PDE8B: variants seen among roughly 807,000 people sequenced by gnomAD.
PDE8B encodes the protein high affinity cAMP-specific and IBMX-insensitive 3',5'-cyclic phosphodiesterase 8B.
In PDE8B, 26 loss-of-function variants were observed where a neutral mutation model predicts 101.3. The observed-to-expected ratio is 0.26, with a 90% CI of 0.19 to 0.36. PDE8B has a LOEUF of 0.36. Among genes scored for constraint, PDE8B ranks in the 10% least tolerant of loss-of-function variants. PDE8B has a pLI of 1.00. For missense variants in PDE8B, 810 were observed against 1,163.1 expected (o/e 0.70, Z 4.42); for synonymous variants, 424 against 429.3 (o/e 0.99, Z 0.15).
At chr5:77,160,701 T>C in the PDE8B span, among the ~76,000 whole-genome samples, 49 of 152,224 alleles carry the variant, frequency 3.2e-4, no homozygotes, top group Middle Eastern at 3.4e-3. Flanking sequence ...GCCCAGGCTG[T>C]GTGCAGTGGT....
intron 3 of PDE8B, among the ~76,000 whole-genome samples, chr5:77,327,981 T>A (rs747165117): frequency 5.3e-5 from 8 of 152,118 alleles, no homozygotes; most frequent in Non-Finnish European, 1.0e-4. Flanking sequence ...GAGCTGGCTG[T>A]CCCTTGGGGA....
At chr5:77,130,168 CAGAT>C in the PDE8B span, among the ~76,000 whole-genome samples, 824 of 152,094 alleles carry the variant, frequency 5.4e-3, 5 homozygotes, top group African/African-American at 0.019. Flanking sequence ...GGGGAACTAA[CAGAT>C]AGGTCTGAGC....
At chr5:77,226,959 C>T (rs1752523207) in intron 1 of PDE8B, among the ~76,000 whole-genome samples, 1 of 152,174 alleles carries the variant, frequency 6.6e-6, no homozygotes, top group African/African-American at 2.4e-5. Context: ...TTTTCATCTT[C>T]ACTTCTGCCT....
At chr5:77,142,769 C>CTTT in the PDE8B span, among the ~76,000 whole-genome samples, 1 of 144,358 alleles carries the variant, frequency 6.9e-6, no homozygotes, top group East Asian at 2.0e-4. Context: ...TTCATGTAAT[C>CTTT]TTTTTTTTTT....
At chr5:77,359,546 T>C (rs1782731881) in intron 10 of PDE8B, among the ~76,000 whole-genome samples, 1 of 152,144 alleles carries the variant, frequency 6.6e-6, no homozygotes, top group Non-Finnish European at 1.5e-5. Context: ...ACATCGAGGA[T>C]GTTTATAAGG....
At chr5:77,360,247 G>A (rs1782855174) in intron 10 of PDE8B, among the ~76,000 whole-genome samples, 1 of 121,632 alleles carries the variant, frequency 8.2e-6, no homozygotes, top group South Asian at 3.1e-4. Context: ...GCGTTTGGGA[G>A]GAGGGTTTTT....
At chr5:77,413,853 C>T (rs990477938) in intron 17 of PDE8B, among the ~76,000 whole-genome samples, 1 of 152,128 alleles carries the variant, frequency 6.6e-6, no homozygotes, top group Admixed American at 6.5e-5. Context: ...TCAATACTGT[C>T]ATGTACCACT....
chr5:77,412,580 G>A lies in PDE8B; in HGVS notation c.1712+345G>A, dbSNP rs570214962. 3.4e-4 allele frequency among the ~76,000 whole-genome samples: 51 copies of A among 150,640 alleles called. No homozygotes were observed. In the South Asian group the frequency reaches 0.01, roughly 31 times the overall value. On this transcript the variant is annotated intron_variant, in intron 16 of 21. Coordinates refer to ENST00000264917, the MANE Select transcript of PDE8B (RefSeq NM_003719.5). ...TTTTTTTTTTTTTCTGATCCATCCT[G>A]TAGGCAGAGGAAAGATTAGATAACT... is the stretch of plus-strand genomic sequence containing the variant.
intron 1 of PDE8B, among the ~76,000 whole-genome samples, chr5:77,281,856 T>C (rs1765074915): frequency 1.3e-5 from 2 of 152,196 alleles, no homozygotes; most frequent in African/African-American, 2.4e-5. Flanking sequence ...ATTTTGCTTC[T>C]ACTGTGCGCT....
chr5:77,101,818 A>G, the PDE8B span, among the ~76,000 whole-genome samples: 1 of 152,104 alleles, frequency 6.6e-6, no homozygotes, highest in Non-Finnish European at 1.5e-5. Flanking sequence ...AGGGTAGTCA[A>G]ATTTATAGAA....
intron 10 of PDE8B, among the ~76,000 whole-genome samples, chr5:77,394,652 C>A (rs1790635233): frequency 6.6e-6 from 1 of 152,156 alleles, no homozygotes; most frequent in African/African-American, 2.4e-5. Flanking sequence ...AAAAATGTTT[C>A]AGCAGTCAGA....
At chr5:77,209,714 G>A (rs1449970930), upstream of PDE8B, among the ~76,000 whole-genome samples, 1 of 152,202 alleles carries the variant, frequency 6.6e-6, no homozygotes, top group Non-Finnish European at 1.5e-5. Context: ...AGCCCAGAGT[G>A]TGAGGAACAG....
chr5:77,286,078 T>C (rs1765952630), intron 1 of PDE8B, among the ~76,000 whole-genome samples: 1 of 152,158 alleles, frequency 6.6e-6, no homozygotes, highest in Non-Finnish European at 1.5e-5. Flanking sequence ...GGGTTGCCAT[T>C]ATGTTTCTTA....
the PDE8B span, among the ~76,000 whole-genome samples, chr5:77,106,525 T>G: frequency 6.0e-3 from 920 of 152,370 alleles, 9 homozygotes; most frequent in African/African-American, 0.021. Context: ...TTTGCCATTA[T>G]CAGATCTTGA....
At chr5:77,160,658 T>C in the PDE8B span, among the ~76,000 whole-genome samples, 1 of 152,198 alleles carries the variant, frequency 6.6e-6, no homozygotes, top group South Asian at 2.1e-4. Flanking sequence ...TGATTTAGTT[T>C]AGTTTAGTTT....
At chr5:77,373,559 T>C (rs1785471396) in intron 10 of PDE8B, among the ~76,000 whole-genome samples, 1 of 152,174 alleles carries the variant, frequency 6.6e-6, no homozygotes, top group African/African-American at 2.4e-5. Context: ...ATAATTTCCA[T>C]TTTCTCGGGT....
chr5:77,102,983 G>A, the PDE8B span, among the ~76,000 whole-genome samples: 2 of 152,168 alleles, frequency 1.3e-5, no homozygotes, highest in Non-Finnish European at 2.9e-5. Flanking sequence ...GGTGGGCAAG[G>A]AAAAATGAAG....
intron 1 of PDE8B, among the ~76,000 whole-genome samples, chr5:77,299,995 A>T (rs1769552901): frequency 6.6e-6 from 1 of 152,236 alleles, no homozygotes; most frequent in African/African-American, 2.4e-5. Context: ...AATTGCTCCC[A>T]GTGCCTGATC....
chr5:77,318,419 A>G (rs912494899), intron 2 of PDE8B, among the ~76,000 whole-genome samples: 6 of 152,248 alleles, frequency 3.9e-5, no homozygotes, highest in Non-Finnish European at 8.8e-5. Flanking sequence ...TACTTAACAT[A>G]GTGATTACAA....
Sources: allele counts gnomAD v4.1 joint callset (sites outside exome capture counted in the v4.1 genomes callset), GRCh38; gene constraint gnomAD v4.1.1; transcripts MANE v1.5; gene names NCBI Gene and HGNC (gene_info 2026-07-23, HGNC 2026-07-21).